Variants in SIRPA observed in about 807,000 individuals in gnomAD.
SIRPA encodes the protein tyrosine-protein phosphatase non-receptor type substrate 1.
Under a neutral mutation model 50.3 loss-of-function variants are expected in SIRPA, and 9 were observed. The ratio of observed to expected loss-of-function variants is 0.18; its 90% CI spans 0.11 to 0.31. The LOEUF is 0.31. Ranked by LOEUF, SIRPA falls within the 10% of genes least tolerant of loss-of-function variation. The probability of loss-of-function intolerance (pLI) is 1.00; values close to 1 mark genes in which losing one functional copy is unlikely to be tolerated. For missense variants in SIRPA, 474 were observed against 661.6 expected, an observed-to-expected ratio of 0.72 and a Z score of 3.11; for synonymous variants, 265 against 284.1, an observed-to-expected ratio of 0.93 and a Z score of 0.68.
chr20:1,901,371 A>G (rs1030721397), intron 1 of SIRPA, among the ~76,000 whole-genome samples: 10 of 151,418 alleles, frequency 6.6e-5, no homozygotes, highest in Non-Finnish European at 1.2e-4. Context: ...GGGTTTCACC[A>G]TATTGATCAG....
rs978524929 is a variant in SIRPA, at chr20:1,928,859, C to G, written c.1226+960C>G. Among the ~76,000 whole-genome samples the G allele has an allele frequency of 5.3e-5, 8 of 152,330 alleles. No individual in the cohort carries two copies. The highest frequency in any genetic ancestry group is 3.9e-4 in the Admixed American group (6 of 15,306). On this transcript the variant is annotated intron_variant, in intron 6 of 7. Transcript: ENST00000358771. The surrounding 1 kb of genome is among the most constrained non-coding windows in gnomAD (Gnocchi z 4.9). The stretch of plus-strand genomic sequence containing the variant: ...CCCCTGCAGTCAGAGGTGTTACGAA[C>G]TATTCTGTGAAAAGCCTTTATCGGC...
chr20:1,898,120 G>A lies in SIRPA; in HGVS notation c.79+2594G>A, dbSNP rs1983938327. Among the ~76,000 whole-genome samples, 1 of 152,240 alleles carries A rather than the reference G, an allele frequency of 6.6e-6. No homozygotes were observed. Among genetic ancestry groups the A allele is most frequent in the South Asian group, 2.1e-4 (1 of 4,832 alleles). ...TTCTCTCTGGCCTGGAGGAGGCCAA[G>A]CCAAGTTGCAGTTCAGGCTCTGGGG... On this transcript the variant is annotated intron_variant, in intron 1 of 7. Coordinates refer to ENST00000358771, the MANE Select transcript of SIRPA (RefSeq NM_001040023.2). This position sits in a 1 kb window ranked among gnomAD's most constrained non-coding sequence, Gnocchi z 4.3.
chr20:1,904,216 C>T (rs1369997559), intron 1 of SIRPA, among the ~76,000 whole-genome samples: 2 of 152,120 alleles, frequency 1.3e-5, no homozygotes, highest in Non-Finnish European at 2.9e-5. Flanking sequence ...GATATCAATG[C>T]CAGGAGGGAT....
In SIRPA at chr20:1,935,605, A is replaced by G. The variant is rs558848094; in HGVS notation, c.1266+851A>G. Among the ~76,000 whole-genome samples the G allele has an allele frequency of 2.0e-5, 3 of 152,364 alleles. No homozygotes were observed. The East Asian group carries it at 5.8e-4, about 29-fold the overall frequency. On this transcript the variant is annotated intron_variant, in intron 7 of 7. Transcript: ENST00000358771. ...TTGTAATTAAGAAAAAACAATTTCCAGTCATGAGCGAGGGAGATCTTCTCC... is the reference window on the plus strand; with the variant it reads ...TTGTAATTAAGAAAAAACAATTTCCGGTCATGAGCGAGGGAGATCTTCTCC...
intron 2 of SIRPA, among the ~76,000 whole-genome samples, chr20:1,917,819 C>T (rs1418730690): frequency 2.0e-5 from 3 of 152,082 alleles, no homozygotes; most frequent in Admixed American, 1.3e-4. Context: ...CTCAGGCTGT[C>T]AGGAGCCCAC....
chr20:1,897,854 T>C (rs1170481593), intron 1 of SIRPA, among the ~76,000 whole-genome samples: 1 of 152,232 alleles, frequency 6.6e-6, no homozygotes, highest in Non-Finnish European at 1.5e-5. Context: ...AAGATCCCAG[T>C]GAAGTCACCA....
At chr20:1,921,930 TGTGCTAGCC>T (rs1220774051) in intron 3 of SIRPA, among the ~76,000 whole-genome samples, 1 of 152,166 alleles carries the variant, frequency 6.6e-6, no homozygotes, top group Non-Finnish European at 1.5e-5. Context: ...TGCCAAGGAC[TGTGCTAGCC>T]GTTTCATTTA....
In SIRPA at chr20:1,928,611, C is replaced by T. The variant is rs1986131343; in HGVS notation, c.1226+712C>T. On this transcript the variant is annotated intron_variant, in intron 6 of 7. Coordinates refer to ENST00000358771, the MANE Select transcript of SIRPA (RefSeq NM_001040023.2). This position sits in a 1 kb window ranked among gnomAD's most constrained non-coding sequence, Gnocchi z 4.9. ...CATATCAGGTGGTGACAACTCCTAC[C>T]CTGCAAGGAGATGGAGGTGAATGGT... Among the ~76,000 whole-genome samples, 1 of 152,024 alleles carries T rather than the reference C, an allele frequency of 6.6e-6. No individual in the cohort carries two copies. Among genetic ancestry groups the T allele is most frequent in the Non-Finnish European group, 1.5e-5 (1 of 68,012 alleles).
chr20:1,909,329 G>A (rs1457130990), intron 1 of SIRPA, among the ~76,000 whole-genome samples: 7 of 152,212 alleles, frequency 4.6e-5, no homozygotes, highest in Non-Finnish European at 8.8e-5. Context: ...GTGAGCACCC[G>A]CCTGGGCAAG....
chr20:1,919,683 G>A (rs1165495837), intron 2 of SIRPA, among the ~76,000 whole-genome samples: 1 of 152,214 alleles, frequency 6.6e-6, no homozygotes, highest in African/African-American at 2.4e-5. Context: ...TCACGGAGGA[G>A]TCTGTTCCCT....
intron 1 of SIRPA, among the ~76,000 whole-genome samples, chr20:1,908,320 G>T (rs189146658): frequency 2.0e-5 from 3 of 151,846 alleles, no homozygotes; most frequent in Non-Finnish European, 2.9e-5. Flanking sequence ...TCACATTTAC[G>T]CATACAGCAC....
At chr20:1,896,647 C>T (rs180862477) in intron 1 of SIRPA, among the ~76,000 whole-genome samples, 272 of 152,154 alleles carry the variant, frequency 1.8e-3, no homozygotes, top group Middle Eastern at 0.01. Context: ...TGGTAACCAT[C>T]TGATAGCAGG....
intron 1 of SIRPA, among the ~76,000 whole-genome samples, chr20:1,912,859 C>T (rs1424003797): frequency 6.6e-6 from 1 of 152,242 alleles, no homozygotes; most frequent in Non-Finnish European, 1.5e-5. Context: ...AGTCTCGAGG[C>T]TGAAATACAG....
chr20:1,910,453 A>G (rs1259119252), intron 1 of SIRPA, among the ~76,000 whole-genome samples: 1 of 152,198 alleles, frequency 6.6e-6, no homozygotes, highest in Non-Finnish European at 1.5e-5. Flanking sequence ...CCTCAGTCCC[A>G]TTTCCCAGAT....
At chr20:1,901,314 G>A (rs1021009579) in intron 1 of SIRPA, among the ~76,000 whole-genome samples, 4 of 151,832 alleles carry the variant, frequency 2.6e-5, no homozygotes, top group Non-Finnish European at 5.9e-5. Context: ...AGGACTACAG[G>A]CGCACACCGT....
rs1986686132 is a variant in SIRPA, at chr20:1,937,921, GA to G, written c.*355del. 1 of 257,098 alleles carries G rather than the reference GA, an allele frequency of 3.9e-6. No individual in the cohort carries two copies. The highest frequency in any genetic ancestry group is 7.6e-6 in the Non-Finnish European group (1 of 131,066). 15.9% of individuals were successfully genotyped at this position (257,098 alleles called of 1,614,324 possible). The stretch of plus-strand genomic sequence containing the variant: ...CCCTCGACTGCCTCCCCGATGCTCC[GA>G]AGCCTGATCTTCCAGGGTGGGGAGG... On this transcript the variant is annotated 3_prime_UTR_variant, in exon 8 of 8. Coordinates refer to ENST00000358771, the MANE Select transcript of SIRPA (RefSeq NM_001040023.2). The surrounding 1 kb of genome is among the most constrained non-coding windows in gnomAD (Gnocchi z 8.3).
At chr20:1,907,175 C>G (rs1984597291) in intron 1 of SIRPA, among the ~76,000 whole-genome samples, 1 of 152,136 alleles carries the variant, frequency 6.6e-6, no homozygotes, top group Non-Finnish European at 1.5e-5. Flanking sequence ...CTCAGAGCTA[C>G]CCAGGGCAAG....
At chr20:1,894,870 AG>A (rs892501555), upstream of SIRPA, 1 of 142,708 alleles carries the variant, frequency 7.0e-6, no homozygotes, top group Non-Finnish European at 1.5e-5. The surrounding 1 kb of genome is among the most constrained non-coding windows in gnomAD (Gnocchi z 4.0). Context: ...GGAAGGAGGG[AG>A]GGGGTCGGGC....
intron 6 of SIRPA, among the ~76,000 whole-genome samples, chr20:1,931,500 G>A (rs752859543): frequency 1.3e-5 from 2 of 152,000 alleles, no homozygotes; most frequent in Admixed American, 6.6e-5. Flanking sequence ...TTTTTCCAGC[G>A]TGAGCCTACC....
Sources: gnomAD v4.1 joint callset for allele counts (sites outside exome capture counted in the v4.1 genomes callset) on GRCh38, gnomAD v4.1.1 for gene constraint, Gnocchi (gnomAD v3.1) non-coding constraint, MANE v1.5 for transcripts, NCBI Gene and HGNC (gene_info 2026-07-23, HGNC 2026-07-21) for gene names.